The following ARHGEF37 variants were observed in gnomAD, a reference collection of about 807,000 sequenced individuals.
ARHGEF37 encodes the protein Rho guanine nucleotide exchange factor (GEF) 37.
A neutral mutation model predicts 71.1 loss-of-function variants in ARHGEF37; 55 were observed. That is an observed-to-expected ratio of 0.77 (90% confidence interval 0.62 to 0.97). The LOEUF is 0.97. Among genes scored for constraint, ARHGEF37 ranks in the 50% least tolerant of loss-of-function variants. The pLI, the probability that ARHGEF37 is intolerant of heterozygous loss-of-function variation, is 0.00. For synonymous variants in ARHGEF37, 327 were observed against 350.6 expected, an observed-to-expected ratio of 0.93 and a Z score of 0.75; for missense variants, 765 against 836.8, an observed-to-expected ratio of 0.91 and a Z score of 1.06.
chr5:149,588,202 G>GTTTA, intron 1 of ARHGEF37, among the ~76,000 whole-genome samples: 1 of 137,702 alleles, frequency 7.3e-6, no homozygotes, highest in Admixed American at 7.1e-5. Flanking sequence ...CGGCCTTTTT[G>GTTTA]TTTGTTTGTT....
At chr5:149,569,565 C>T (rs944985314) in intron 1 of ARHGEF37, among the ~76,000 whole-genome samples, 1 of 152,088 alleles carries the variant, frequency 6.6e-6, no homozygotes, top group African/African-American at 2.4e-5. Context: ...GGTGATCTGC[C>T]CACCTTGGCC....
In ARHGEF37 at chr5:149,628,890, G is replaced by A. The variant is rs1752788520; in HGVS notation, c.1742G>A (p.Gly581Glu). The A allele has an allele frequency of 6.2e-7, 1 of 1,613,568 alleles. No homozygotes were observed. The highest frequency in any genetic ancestry group is 1.1e-5 in the South Asian group (1 of 91,056). Residue 581 changes from glycine (G) to glutamate (E), a missense_variant, in exon 12 of 13, where the codon GGG (glycine) becomes GAG (glutamate). This residue lies in a region of ARHGEF37 where 390 missense variants were observed against 407.4 expected (regional missense o/e 0.96). Coordinates refer to ENST00000333677, the MANE Select transcript of ARHGEF37 (RefSeq NM_001001669.3). ...PSAEELRRQA[G>E]LNKDPRCLTP... ...GCAGAGGAGCTCAGAAGGCAGGCGGGGCTGAACAAAGACCCCCGATGTCTA... is the reference window on the plus strand; with the variant it reads ...GCAGAGGAGCTCAGAAGGCAGGCGGAGCTGAACAAAGACCCCCGATGTCTA...
chr5:149,610,126 C>T (rs1257044319), intron 4 of ARHGEF37, among the ~76,000 whole-genome samples: 1 of 152,214 alleles, frequency 6.6e-6, no homozygotes, highest in East Asian at 1.9e-4. Flanking sequence ...CTTCATTCAA[C>T]AGCCAGGAGG....
intron 1 of ARHGEF37, among the ~76,000 whole-genome samples, chr5:149,582,272 A>G (rs780535482): frequency 1.3e-5 from 2 of 152,244 alleles, no homozygotes; most frequent in Non-Finnish European, 2.9e-5. Context: ...GTTCACACAA[A>G]GCCTTGTGCA....
chr5:149,621,682 C>G, intron 8 of ARHGEF37, 51 bp from the exon 9 acceptor site: 1 of 1,544,378 alleles, frequency 6.5e-7, no homozygotes, highest in Non-Finnish European at 8.8e-7. Context: ...CTCACAGCCC[C>G]TGCCCTTTGC....
chr5:149,620,285 GA>G, intron 7 of ARHGEF37, 68 bp from the exon 8 acceptor site: 1 of 1,171,722 alleles, frequency 8.5e-7, no homozygotes, highest in Non-Finnish European at 1.2e-6. Context: ...AGGTATGGTG[GA>G]AGGGGATTCC....
intron 1 of ARHGEF37, among the ~76,000 whole-genome samples, chr5:149,569,102 A>G (rs1762932656): frequency 6.6e-6 from 1 of 151,898 alleles, no homozygotes; most frequent in Non-Finnish European, 1.5e-5. Context: ...GTAAAGTAGT[A>G]CTTTGTTGTT....
chr5:149,587,129 C>T (rs1287117446), intron 1 of ARHGEF37, among the ~76,000 whole-genome samples: 4 of 152,134 alleles, frequency 2.6e-5, no homozygotes, highest in African/African-American at 9.7e-5. Context: ...ATGAAAAAGG[C>T]AATCAGTCTC....
rs775072928 is a variant in ARHGEF37 at position 149,632,105 on chromosome 5, G to A, written c.1942G>A (p.Val648Met). ...GAACCCTGAGTGGAGCCTGGTGGAA[G>A]TGAATGGACAGAGGGGTTATGTGCC... ...KGNPEWSLVE[V>M]NGQRGYVPSG... is the part of the protein sequence containing the mutation. The change falls in exon 13 of 13, where the codon GTG becomes ATG. Residue 648 changes from valine to methionine, a missense_variant. Physicochemically the swap from Val to Met is conservative, Grantham distance 21. This residue lies in a region of ARHGEF37 where 390 missense variants were observed against 407.4 expected (regional missense o/e 0.96). Coordinates refer to ENST00000333677, the MANE Select transcript of ARHGEF37 (RefSeq NM_001001669.3). 6.2e-6 allele frequency: 10 copies of A among 1,614,286 alleles called. No homozygotes were observed. Among genetic ancestry groups the A allele is most frequent in the Non-Finnish European group, 7.6e-6 (9 of 1,180,054 alleles).
chr5:149,618,836 C>T lies in ARHGEF37; in HGVS notation c.790-102C>T, dbSNP rs1013106499. 35 of 924,800 alleles carry T rather than the reference C, an allele frequency of 3.8e-5. 1 individual carries two copies. The highest frequency in any genetic ancestry group is 2.7e-4 in the Admixed American group (15 of 55,320). 57.3% of individuals were successfully genotyped at this position (924,800 alleles called of 1,614,324 possible). A position where few individuals can be genotyped will look rare whatever the true frequency, so the allele number is the denominator to read the frequency against. ...GGTTGCGAGAACCAGCTCTGGTGGG[C>T]GAGTCTGTGGAAAGGTTGTCCCAGT... On this transcript the variant is annotated intron_variant, in intron 6 of 12. Transcript: ENST00000333677.
chr5:149,620,587 TG>T (rs1412460880), intron 8 of ARHGEF37, 123 bp downstream of exon 8: 1 of 672,100 alleles, frequency 1.5e-6, no homozygotes, highest in African/African-American at 1.9e-5. Flanking sequence ...CCCAGCACTT[TG>T]GGAGGCCGAG....
intron 2 of ARHGEF37, 50 bp downstream of exon 2, chr5:149,598,005 G>A: frequency 6.7e-7 from 1 of 1,494,024 alleles, no homozygotes; most frequent in Non-Finnish European, 8.9e-7. Flanking sequence ...GCAAATGTGG[G>A]TCCCAGCTTC....
chr5:149,585,057 A>T (rs1455467104), intron 1 of ARHGEF37, among the ~76,000 whole-genome samples: 2 of 152,360 alleles, frequency 1.3e-5, no homozygotes, highest in Non-Finnish European at 2.9e-5. Context: ...GATACTCAAG[A>T]TCATTACTCA....
chr5:149,585,878 C>G (rs1763222630), intron 1 of ARHGEF37, among the ~76,000 whole-genome samples: 1 of 152,168 alleles, frequency 6.6e-6, no homozygotes, highest in Non-Finnish European at 1.5e-5. Context: ...TGAACTCAAA[C>G]TTTTTGGTGG....
chr5:149,590,642 G>A (rs926952920), intron 1 of ARHGEF37, among the ~76,000 whole-genome samples: 1 of 150,764 alleles, frequency 6.6e-6, no homozygotes, highest in Middle Eastern at 3.2e-3. Flanking sequence ...CCAGGCTGGA[G>A]TGCAGTGGTG....
At chr5:149,613,123 G>T (rs1752248973) in intron 4 of ARHGEF37, among the ~76,000 whole-genome samples, 1 of 152,214 alleles carries the variant, frequency 6.6e-6, no homozygotes, top group Non-Finnish European at 1.5e-5. Context: ...TTTGGAGAAG[G>T]CAGATAACCT....
rs1265591880 is a variant in ARHGEF37 at position 149,618,269 on chromosome 5, G to A, written c.752G>A (p.Ser251Asn). ...CTCTCCAAGAAGACCACCCGGCTGA[G>A]CCAGCTGCTGAAGCAGGAGGCGGGG... Reference protein sequence around the residue: ...HTLSKKTTRLSQLLKQEAGLI... With the variant: ...HTLSKKTTRLNQLLKQEAGLI... Residue 251 changes from serine to asparagine, a missense_variant, in exon 6 of 13, where the codon AGC becomes AAC. Ser to Asn is a conservative substitution (Grantham distance 46, BLOSUM62 1). Around this residue, in one of 5 missense-constraint regions of ARHGEF37, gnomAD observed 167 missense variants for 173.3 expected, o/e 0.96. Transcript: ENST00000333677. 6.2e-7 allele frequency: 1 copy of A among 1,614,214 alleles called. No individual in the cohort carries two copies. Among genetic ancestry groups the A allele is most frequent in the South Asian group, 1.1e-5 (1 of 91,082 alleles).
At chr5:149,589,658 CCTGA>C (rs1763342364) in intron 1 of ARHGEF37, among the ~76,000 whole-genome samples, 1 of 152,036 alleles carries the variant, frequency 6.6e-6, no homozygotes, top group Non-Finnish European at 1.5e-5. Flanking sequence ...CGCCATCACG[CCTGA>C]CTAATTTTTG....
At chr5:149,558,681 C>A (rs1365396288) in intron 1 of ARHGEF37, among the ~76,000 whole-genome samples, 3 of 138,722 alleles carry the variant, frequency 2.2e-5, no homozygotes, top group South Asian at 4.9e-4. Context: ...CTTTAAAAAA[C>A]CATATATATA....
Sources: gnomAD v4.1 joint callset for allele counts (sites outside exome capture counted in the v4.1 genomes callset) on GRCh38, gnomAD v4.1.1 for gene constraint, gnomAD v4.1.1 regional missense constraint, MANE v1.5 for transcripts, NCBI Gene and HGNC (gene_info 2026-07-23, HGNC 2026-07-21) for gene names.